The following ABI3BP variants were observed in gnomAD, a reference collection of about 807,000 sequenced individuals.
ABI3BP encodes the protein ABI family member 3 binding protein.
ABI3BP carries 216 observed loss-of-function variants against 268.6 expected under a neutral mutation model. The ratio of observed to expected loss-of-function variants is 0.80; its 90% CI spans 0.72 to 0.90. The LOEUF is 0.90. ABI3BP is among the 40% of genes least tolerant of loss of function. The pLI is 0.00. For missense variants in ABI3BP, 2,090 were observed against 2,182.4 expected (o/e 0.96, Z 0.84); for synonymous variants, 730 against 730.0 (o/e 1.00, Z 0.00).
chr3:100,948,540 C>T (rs897866039), intron 1 of ABI3BP, among the ~76,000 whole-genome samples: 6 of 152,074 alleles, frequency 3.9e-5, no homozygotes, highest in East Asian at 1.9e-4. Context: ...GTTTAATTGC[C>T]GCAATTGGCA....
intron 63 of ABI3BP, among the ~76,000 whole-genome samples, chr3:100,755,874 TAATTA>T (rs1480923578): frequency 6.6e-6 from 1 of 152,188 alleles, no homozygotes; most frequent in Non-Finnish European, 1.5e-5. Flanking sequence ...GAGAAGTTTA[TAATTA>T]AATAAGAATG....
chr3:100,794,591 T>G (rs550323303), intron 54 of ABI3BP, among the ~76,000 whole-genome samples: 119 of 151,976 alleles, frequency 7.8e-4, no homozygotes, highest in African/African-American at 2.7e-3. Context: ...AAATGCAGTT[T>G]AAAATACAGA....
At chr3:100,755,790 C>T (rs1457811509) in intron 63 of ABI3BP, among the ~76,000 whole-genome samples, 2 of 152,176 alleles carry the variant, frequency 1.3e-5, no homozygotes, top group Non-Finnish European at 2.9e-5. Context: ...ATTCAAAAGT[C>T]AACCTGAGTC....
At chr3:100,751,438 T>G (rs1317918884) in intron 67 of ABI3BP, 114 bp downstream of exon 67, 3 of 1,105,894 alleles carry the variant, frequency 2.7e-6, no homozygotes, top group Non-Finnish European at 3.5e-6. Context: ...TTCCTAGATA[T>G]GTGGAGCAGT....
Position 100,780,290 on chromosome 3 carries a change from G to A in ABI3BP, c.4163-81C>T, listed in dbSNP as rs528924990. The A allele has an allele frequency of 1.7e-4, 233 of 1,333,552 alleles. 1 individual carries two copies. The South Asian group carries it at 2.7e-3, about 15-fold the overall frequency. 82.6% of individuals were successfully genotyped at this position (1,333,552 alleles called of 1,614,324 possible). ...ACTTGGTAGAGTTGCCAGTAATAAC[G>A]TACATTCTTTGCAGAGCAGGAGCAT... On this transcript the variant is annotated intron_variant, in intron 57 of 67. Coordinates refer to ENST00000471714, the MANE Select transcript of ABI3BP (RefSeq NM_001375547.2).
At chr3:100,840,242 A>C (rs1024983243) in intron 22 of ABI3BP, 78 bp from the exon 23 acceptor site, 11 of 1,121,950 alleles carry the variant, frequency 9.8e-6, no homozygotes, top group Non-Finnish European at 1.4e-5. Flanking sequence ...TCCATCTTAG[A>C]AGGACATTTA....
chr3:100,772,130 C>T (rs142118044), intron 61 of ABI3BP, among the ~76,000 whole-genome samples: 5 of 152,110 alleles, frequency 3.3e-5, no homozygotes. Context: ...TAAAAGACAT[C>T]ATTTAGAATT....
At chr3:100,949,254 T>TTTTA (rs1194421606) in intron 1 of ABI3BP, among the ~76,000 whole-genome samples, 7 of 152,070 alleles carry the variant, frequency 4.6e-5, no homozygotes, top group Admixed American at 1.3e-4. Context: ...CAATTGAAGT[T>TTTTA]TTTATTTATT....
intron 1 of ABI3BP, among the ~76,000 whole-genome samples, chr3:100,934,030 C>A (rs141588743): frequency 3.3e-5 from 5 of 151,880 alleles, no homozygotes; most frequent in Non-Finnish European, 5.9e-5. Flanking sequence ...ATGTGCAGAA[C>A]GTGCATGTTT....
At chr3:100,858,426 TTC>T (rs2098962147) in intron 14 of ABI3BP, among the ~76,000 whole-genome samples, 2 of 152,308 alleles carry the variant, frequency 1.3e-5, no homozygotes, top group South Asian at 4.1e-4. Flanking sequence ...ATTTCAAATA[TTC>T]TGTCCCCTGG....
chr3:100,807,713 T>A (rs1304927957), intron 50 of ABI3BP, among the ~76,000 whole-genome samples: 1 of 151,986 alleles, frequency 6.6e-6, no homozygotes, highest in Non-Finnish European at 1.5e-5. Flanking sequence ...CAGACTAGAT[T>A]AGTGGTCGCG....
intron 3 of ABI3BP, among the ~76,000 whole-genome samples, chr3:100,900,998 T>C (rs2050041911): frequency 6.6e-6 from 1 of 152,236 alleles, no homozygotes; most frequent in East Asian, 1.9e-4. Context: ...TCAATGAGTA[T>C]TCATCTGAAA....
chr3:100,926,655 A>G (rs952814862), intron 1 of ABI3BP, among the ~76,000 whole-genome samples, 174 bp from the exon 2 acceptor site: 4 of 152,194 alleles, frequency 2.6e-5, no homozygotes, highest in African/African-American at 9.7e-5. Context: ...TAAATAACAT[A>G]GAGCAGCCTA....
At chr3:100,982,135 A>G (rs1403483898) in intron 1 of ABI3BP, among the ~76,000 whole-genome samples, 1 of 152,092 alleles carries the variant, frequency 6.6e-6, no homozygotes, top group Non-Finnish European at 1.5e-5. Context: ...TTATAAAACC[A>G]TCATCTCTCC....
chr3:100,956,242 CACACACACACACACACACAT>C (rs1434970795), intron 1 of ABI3BP, among the ~76,000 whole-genome samples: 2 of 145,994 alleles, frequency 1.4e-5, no homozygotes, highest in African/African-American at 2.6e-5. Flanking sequence ...CACACACACA[CACACACACACACACACACAT>C]ATGGCATGTC....
intron 9 of ABI3BP, among the ~76,000 whole-genome samples, chr3:100,868,424 T>C (rs1390102634): frequency 6.6e-6 from 1 of 152,244 alleles, no homozygotes; most frequent in African/African-American, 2.4e-5. Context: ...TTGAAAACTT[T>C]AATTTTCACA....
intron 51 of ABI3BP, among the ~76,000 whole-genome samples, chr3:100,804,537 T>A (rs1219154794): frequency 1.3e-5 from 2 of 152,148 alleles, no homozygotes; most frequent in African/African-American, 4.8e-5. Flanking sequence ...AGTCAGGGAA[T>A]AAGAGAACTT....
intron 1 of ABI3BP, among the ~76,000 whole-genome samples, chr3:100,940,786 C>CCA (rs2068658762): frequency 9.9e-5 from 1 of 10,122 alleles, no homozygotes; most frequent in East Asian, 2.9e-3. Context: ...AATTACTTCA[C>CCA]TATATATATA....
intron 6 of ABI3BP, among the ~76,000 whole-genome samples, chr3:100,880,051 C>T (rs2153352949): frequency 6.6e-6 from 1 of 152,318 alleles, no homozygotes; most frequent in East Asian, 1.9e-4. Context: ...ACAATCCAAT[C>T]TTAATAGAAC....
Sources: gnomAD v4.1 joint callset for allele counts (sites outside exome capture counted in the v4.1 genomes callset) on GRCh38, gnomAD v4.1.1 for gene constraint, MANE v1.5 for transcripts, NCBI Gene and HGNC (gene_info 2026-07-23, HGNC 2026-07-21) for gene names.